The following COL26A1 variants were observed in gnomAD, a reference collection of about 807,000 sequenced individuals.
COL26A1 encodes the protein collagen alpha-1(XXVI) chain.
In COL26A1, 41 loss-of-function variants were observed where a neutral mutation model predicts 59.3. The ratio of observed to expected loss-of-function variants is 0.69; its 90% CI spans 0.54 to 0.90. COL26A1 has a LOEUF of 0.90. COL26A1 is among the 40% of genes least tolerant of loss of function. The pLI, the probability that COL26A1 is intolerant of heterozygous loss-of-function variation, is 0.00. For missense variants in COL26A1, 612 were observed against 602.3 expected (o/e 1.02, Z -0.17); for synonymous variants, 266 against 256.0 (o/e 1.04, Z -0.37).
At chr7:101,496,307 A>T (rs1230737243) in intron 3 of COL26A1, among the ~76,000 whole-genome samples, 1 of 152,248 alleles carries the variant, frequency 6.6e-6, no homozygotes, top group Non-Finnish European at 1.5e-5. Context: ...TTCATTGCCC[A>T]ATGCACACAG....
At chr7:101,434,357 G>C (rs1442864255) in intron 2 of COL26A1, among the ~76,000 whole-genome samples, 1 of 151,600 alleles carries the variant, frequency 6.6e-6, no homozygotes, top group Non-Finnish European at 1.5e-5. Flanking sequence ...GGTCTCCAGT[G>C]GTCCTCCCAT....
intron 1 of COL26A1, among the ~76,000 whole-genome samples, chr7:101,407,876 G>A (rs4729704): frequency 0.42 from 64,382 of 151,842 alleles, 15,797 homozygotes; most frequent in Middle Eastern, 0.56. Flanking sequence ...ATTAAGGGGC[G>A]GGTTATACAG....
rs1362937281 is a variant in COL26A1 at position 101,517,797 on chromosome 7, CA to C, written c.386-15284del. On this transcript the variant is annotated intron_variant, in intron 3 of 12. Coordinates refer to ENST00000313669, the MANE Select transcript of COL26A1 (RefSeq NM_001278563.3). ...GTCAGAGAAGCTTCCCTTCTCCCCG[CA>C]TTTTTTTTTTTTTTTTTTTTTTTTT... 2.6e-5 allele frequency among the ~76,000 whole-genome samples: 3 copies of C among 116,640 alleles called. 1 individual carries two copies. The highest frequency in any genetic ancestry group is 5.3e-5 in the Non-Finnish European group (3 of 56,244). The allele number at this position is 116,640 out of a possible 152,430, so 76.5% of individuals were successfully genotyped here. A position where few individuals can be genotyped will look rare whatever the true frequency, so the allele number is the denominator to read the frequency against.
chr7:101,543,137 T>G (rs1351388150), intron 5 of COL26A1, among the ~76,000 whole-genome samples: 1 of 151,190 alleles, frequency 6.6e-6, no homozygotes, highest in Non-Finnish European at 1.5e-5. Flanking sequence ...CAAAGGGCCC[T>G]AAGACTCAGT....
At chr7:101,379,428 C>T (rs945772522) in intron 1 of COL26A1, among the ~76,000 whole-genome samples, 4 of 152,168 alleles carry the variant, frequency 2.6e-5, no homozygotes, top group Non-Finnish European at 5.9e-5. Context: ...TGGCTGTGCT[C>T]CTGGTCTCTC....
chr7:101,551,584 T>C (rs559616032), intron 10 of COL26A1, among the ~76,000 whole-genome samples: 1 of 152,102 alleles, frequency 6.6e-6, no homozygotes, highest in Admixed American at 6.5e-5. Flanking sequence ...CTGTCTCTAC[T>C]AAAAATACAA....
intron 3 of COL26A1, among the ~76,000 whole-genome samples, chr7:101,511,730 T>A (rs1295069353): frequency 3.3e-5 from 5 of 152,212 alleles, no homozygotes; most frequent in Non-Finnish European, 5.9e-5. Flanking sequence ...GGACCCCGGT[T>A]CTGCTGAAGT....
chr7:101,537,390 C>A (rs117244771), intron 4 of COL26A1, among the ~76,000 whole-genome samples: 10,354 of 152,294 alleles, frequency 0.068, 435 homozygotes, highest in Middle Eastern at 0.13. Context: ...AGGGCAGTGT[C>A]CCGGCTAGTC....
intron 3 of COL26A1, among the ~76,000 whole-genome samples, chr7:101,478,551 C>T (rs913846977): frequency 2.6e-5 from 4 of 152,152 alleles, no homozygotes; most frequent in Admixed American, 1.3e-4. Flanking sequence ...GTACACAAAA[C>T]GCCCCATAAA....
At chr7:101,507,382 A>G (rs1199837255) in intron 3 of COL26A1, among the ~76,000 whole-genome samples, 1 of 151,722 alleles carries the variant, frequency 6.6e-6, no homozygotes, top group Non-Finnish European at 1.5e-5. Flanking sequence ...GCCCTCTCTA[A>G]TCCATCTCCT....
intron 1 of COL26A1, among the ~76,000 whole-genome samples, chr7:101,382,074 G>A (rs1031757657): frequency 7.2e-5 from 11 of 151,972 alleles, no homozygotes; most frequent in African/African-American, 2.4e-5. Flanking sequence ...TTTGAGATAG[G>A]GTCTTGGCCT....
At chr7:101,470,251 C>T (rs1031666804) in intron 3 of COL26A1, among the ~76,000 whole-genome samples, 4 of 151,926 alleles carry the variant, frequency 2.6e-5, no homozygotes, top group South Asian at 2.1e-4. Flanking sequence ...AGGCGCGCAC[C>T]GCCATGTCCA....
intron 3 of COL26A1, among the ~76,000 whole-genome samples, chr7:101,521,991 C>T (rs560841199): frequency 2.3e-4 from 35 of 152,230 alleles, no homozygotes; most frequent in Middle Eastern, 3.4e-3. Context: ...TTGTGATATG[C>T]AATTTATTTA....
rs111758436 is a variant in COL26A1 at position 101,448,652 on chromosome 7, C to T, written c.385+865C>T. ...GGACTGTAGGTGTGCACCACCATAC[C>T]TAGCTATTTTTTTGTATGATTTTTA... On this transcript the variant is annotated intron_variant, in intron 3 of 12. Coordinates refer to ENST00000313669, the MANE Select transcript of COL26A1 (RefSeq NM_001278563.3). Among the ~76,000 whole-genome samples the T allele has an allele frequency of 6.9e-3, 1,049 of 152,174 alleles. 6 individuals carry two copies. Among genetic ancestry groups the T allele is most frequent in the Middle Eastern group, 0.014 (4 of 294 alleles).
intron 2 of COL26A1, among the ~76,000 whole-genome samples, chr7:101,445,448 G>A (rs1584413450): frequency 6.6e-6 from 1 of 151,860 alleles, no homozygotes. Context: ...AGAGAGTGAG[G>A]GGGCCGGGCG....
At chr7:101,390,083 A>G (rs1281587495) in intron 1 of COL26A1, among the ~76,000 whole-genome samples, 1 of 149,384 alleles carries the variant, frequency 6.7e-6, no homozygotes, top group Admixed American at 6.6e-5. Context: ...TAGCCAAGAA[A>G]TCATTGCCAA....
Position 101,557,425 on chromosome 7 carries a change from C to T in COL26A1, c.1221C>T (p.Asn407=), listed in dbSNP as rs763408793. The change falls in exon 13 of 13, where the codon AAC becomes AAT. Residue 407 remains asparagine, a synonymous_variant. Coordinates refer to ENST00000313669, the MANE Select transcript of COL26A1 (RefSeq NM_001278563.3). ...GCCAGGATGCTGCCCTGAGAGCCAACCTCAAGATGAAGAGGGGTGGCGCCC... is the reference window on the plus strand; with the variant it reads ...GCCAGGATGCTGCCCTGAGAGCCAATCTCAAGATGAAGAGGGGTGGCGCCC... The part of the protein sequence containing the change: ...GSGQDAALRA[N]LKMKRGGAQP... The T allele has an allele frequency of 1.8e-5, 29 of 1,613,692 alleles. No homozygotes were observed. Among genetic ancestry groups the T allele is most frequent in the African/African-American group, 5.3e-5 (4 of 74,938 alleles).
chr7:101,484,649 G>A (rs763444227), intron 3 of COL26A1, among the ~76,000 whole-genome samples: 1 of 151,752 alleles, frequency 6.6e-6, no homozygotes, highest in African/African-American at 2.4e-5. Flanking sequence ...AATTACAGGT[G>A]TGAGCCACCA....
intron 1 of COL26A1, among the ~76,000 whole-genome samples, chr7:101,415,548 C>G (rs1283779497): frequency 6.6e-6 from 1 of 152,170 alleles, no homozygotes; most frequent in African/African-American, 2.4e-5. Flanking sequence ...TGTGGCAGAA[C>G]CTGGTTTTAA....
Sources: gnomAD v4.1 joint callset for allele counts (sites outside exome capture counted in the v4.1 genomes callset) on GRCh38, gnomAD v4.1.1 for gene constraint, MANE v1.5 for transcripts, NCBI Gene and HGNC (gene_info 2026-07-23, HGNC 2026-07-21) for gene names.